Variants in SEMA5A observed in about 807,000 individuals in gnomAD.
The protein encoded by SEMA5A is semaphorin 5A.
A neutral mutation model predicts 135.5 loss-of-function variants in SEMA5A; 55 were observed. The observed-to-expected ratio is 0.41, with a 90% CI of 0.33 to 0.51. The LOEUF (loss-of-function observed/expected upper bound fraction) is 0.51, where lower values mean the gene tolerates loss of function less well. Ranked by LOEUF, SEMA5A falls within the 20% of genes least tolerant of loss-of-function variation. SEMA5A has a pLI of 0.37. For missense variants in SEMA5A, 1,290 were observed against 1,419.9 expected (o/e 0.91, Z 1.47); for synonymous variants, 580 against 546.5 (o/e 1.06, Z -0.85).
intron 5 of SEMA5A, among the ~76,000 whole-genome samples, chr5:9,301,247 T>C (rs6555599): frequency 1 from 151,981 of 152,364 alleles, 75,802 homozygotes; most frequent in Middle Eastern, 1. Context: ...ACAGACAACT[T>C]TCTAAAGACA....
At position 9,166,770 on chromosome 5, in the gene SEMA5A, A is replaced by G. The variant is rs538780121; in HGVS notation, c.1274-12075T>C. Among the ~76,000 whole-genome samples the G allele has an allele frequency of 7.9e-5, 12 of 152,382 alleles. No homozygotes were observed. In the South Asian group the frequency reaches 2.3e-3, roughly 29 times the overall value. On this transcript the variant is annotated intron_variant, in intron 11 of 22. Transcript: ENST00000382496. ...CTTTTAAAACAAGAGTGCAATTAAT[A>G]GAGCCCTCTGGGTATCCTTTCTAAA...
intron 11 of SEMA5A, among the ~76,000 whole-genome samples, chr5:9,175,929 A>C (rs1364606918): frequency 6.6e-6 from 1 of 152,342 alleles, no homozygotes; most frequent in East Asian, 1.9e-4. Flanking sequence ...ACCTCCTACC[A>C]TAGGCAGATT....
At chr5:9,435,996 C>A (rs945167079) in intron 2 of SEMA5A, among the ~76,000 whole-genome samples, 2 of 152,162 alleles carry the variant, frequency 1.3e-5, no homozygotes, top group Admixed American at 1.3e-4. Flanking sequence ...ATGGTTAGTG[C>A]TAAAAGGCAG....
chr5:9,231,717 G>A (rs902203863), intron 6 of SEMA5A, among the ~76,000 whole-genome samples: 1 of 152,040 alleles, frequency 6.6e-6, no homozygotes, highest in Non-Finnish European at 1.5e-5. Flanking sequence ...TTCTTTTAAA[G>A]GTTTCTCTTA....
intron 2 of SEMA5A, among the ~76,000 whole-genome samples, chr5:9,391,545 C>A (rs1284307361): frequency 1.3e-5 from 2 of 152,176 alleles, no homozygotes; most frequent in Admixed American, 1.3e-4. Context: ...GCCATCACAG[C>A]TGGAGTCATT....
rs57572274 is a variant in SEMA5A, at chr5:9,296,193, G to C, written c.270+22179C>G. ...AAAGAAATAGAATCTAAAAATATCA[G>C]TTATTTTAAAAGTTCAATAAAGGCT... On this transcript the variant is annotated intron_variant, in intron 5 of 22. Coordinates refer to ENST00000382496, the MANE Select transcript of SEMA5A (RefSeq NM_003966.3). 3.8e-3 allele frequency among the ~76,000 whole-genome samples: 572 copies of C among 152,214 alleles called. 6 individuals are homozygous for C. The highest frequency in any genetic ancestry group is 0.013 in the African/African-American group (543 of 41,536).
intron 2 of SEMA5A, among the ~76,000 whole-genome samples, chr5:9,411,444 C>T (rs1000986424): frequency 6.6e-5 from 10 of 152,142 alleles, no homozygotes; most frequent in African/African-American, 1.7e-4. Flanking sequence ...TTGTTAGTTG[C>T]GCACCCATAG....
chr5:9,243,776 G>C (rs189110606), intron 5 of SEMA5A, among the ~76,000 whole-genome samples: 9 of 152,220 alleles, frequency 5.9e-5, no homozygotes, highest in African/African-American at 2.2e-4. Context: ...GGCAGCCCCA[G>C]GATTGGCACT....
intron 2 of SEMA5A, among the ~76,000 whole-genome samples, chr5:9,433,268 A>G (rs2126661273): frequency 6.6e-6 from 1 of 152,350 alleles, no homozygotes; most frequent in Admixed American, 6.5e-5. Flanking sequence ...ATCAGAAGAA[A>G]GTAAAGAATT....
chr5:9,372,960 C>T (rs971210550), intron 3 of SEMA5A, among the ~76,000 whole-genome samples: 1 of 152,142 alleles, frequency 6.6e-6, no homozygotes, highest in Non-Finnish European at 1.5e-5. Flanking sequence ...CAGTGGCCCA[C>T]AAGACAGCAC....
intron 8 of SEMA5A, among the ~76,000 whole-genome samples, chr5:9,210,021 T>C (rs1746256535): frequency 6.6e-6 from 1 of 152,156 alleles, no homozygotes; most frequent in Non-Finnish European, 1.5e-5. Flanking sequence ...TTAGCAGTTC[T>C]AGTACACGTC....
At chr5:9,419,679 C>T (rs1171133772) in intron 2 of SEMA5A, among the ~76,000 whole-genome samples, 2 of 152,144 alleles carry the variant, frequency 1.3e-5, no homozygotes, top group African/African-American at 2.4e-5. Context: ...CTAGGGCATG[C>T]ATGCACACAC....
Position 9,357,854 on chromosome 5 carries a change from G to A in SEMA5A, c.125-20042C>T, listed in dbSNP as rs534129544. 3.9e-5 allele frequency among the ~76,000 whole-genome samples: 6 copies of A among 152,284 alleles called. No individual in the cohort carries two copies. The South Asian group carries it at 6.2e-4, about 16-fold the overall frequency. On this transcript the variant is annotated intron_variant, in intron 3 of 22. Coordinates refer to ENST00000382496, the MANE Select transcript of SEMA5A (RefSeq NM_003966.3). Reference sequence around the variant, plus strand: ...AACTTACTTAGCTCCACGTCATGTCGTACAGTATGGATGAATAACTATGGA... The same window carrying A: ...AACTTACTTAGCTCCACGTCATGTCATACAGTATGGATGAATAACTATGGA...
intron 5 of SEMA5A, among the ~76,000 whole-genome samples, chr5:9,282,501 T>C (rs1262056334): frequency 6.6e-6 from 1 of 152,124 alleles, no homozygotes; most frequent in Non-Finnish European, 1.5e-5. Context: ...AATGCACATG[T>C]ACAAAATGAC....
chr5:9,479,072 C>T (rs770564301), intron 1 of SEMA5A, among the ~76,000 whole-genome samples: 1 of 152,174 alleles, frequency 6.6e-6, no homozygotes, highest in Non-Finnish European at 1.5e-5. Context: ...CTCTTTCCTG[C>T]CACCTACATG....
chr5:9,101,610 T>A (rs1260297953), intron 16 of SEMA5A, among the ~76,000 whole-genome samples: 2 of 152,214 alleles, frequency 1.3e-5, no homozygotes, highest in African/African-American at 4.8e-5. Context: ...GAAAATTTCC[T>A]TTCTAGGATT....
intron 16 of SEMA5A, among the ~76,000 whole-genome samples, chr5:9,078,181 A>C (rs893589511): frequency 2.6e-5 from 4 of 152,218 alleles, no homozygotes; most frequent in African/African-American, 9.6e-5. Flanking sequence ...TCTTGCAATG[A>C]GAGGAGTAAC....
chr5:9,155,257 T>G (rs1404688079), intron 11 of SEMA5A, among the ~76,000 whole-genome samples: 1 of 152,142 alleles, frequency 6.6e-6, no homozygotes, highest in Non-Finnish European at 1.5e-5. Flanking sequence ...TTTGGGATGA[T>G]TTTCTTGGGC....
At chr5:9,102,095 T>C (rs909548773) in intron 16 of SEMA5A, among the ~76,000 whole-genome samples, 6 of 152,154 alleles carry the variant, frequency 3.9e-5, no homozygotes, top group Admixed American at 6.5e-5. Context: ...AAAGCCACGG[T>C]TCAAAAATGA....
Sources: allele counts gnomAD v4.1 joint callset (sites outside exome capture counted in the v4.1 genomes callset), GRCh38; gene constraint gnomAD v4.1.1; transcripts MANE v1.5; gene names NCBI Gene and HGNC (gene_info 2026-07-23, HGNC 2026-07-21).